Variants in SNAP47 observed in about 807,000 individuals in gnomAD.
SNAP47 encodes the protein synaptosome associated protein 47.
A neutral mutation model predicts 31.4 loss-of-function variants in SNAP47; 20 were observed. That is an observed-to-expected ratio of 0.64 (90% confidence interval 0.45 to 0.93). The LOEUF (loss-of-function observed/expected upper bound fraction) is 0.93, where lower values mean the gene tolerates loss of function less well. Ranked by LOEUF, SNAP47 falls within the 40% of genes least tolerant of loss-of-function variation. SNAP47 has a pLI of 0.00. For synonymous variants in SNAP47, 194 were observed against 213.4 expected (o/e 0.91, Z 0.79); for missense variants, 492 against 528.5 (o/e 0.93, Z 0.68).
At chr1:227,778,592 T>C (rs1199914515) in intron 4 of SNAP47, among the ~76,000 whole-genome samples, 2 of 152,226 alleles carry the variant, frequency 1.3e-5, no homozygotes, top group Admixed American at 1.3e-4. Context: ...GGGCTGTGCC[T>C]GCTGGTTCCA....
chr1:227,763,226 AT>A lies in SNAP47; in HGVS notation c.989-3730del, dbSNP rs1394399730. On this transcript the variant is annotated intron_variant, in intron 3 of 4. Coordinates refer to ENST00000617596, the MANE Select transcript of SNAP47 (RefSeq NM_053052.4). This position sits in a 1 kb window ranked among gnomAD's most constrained non-coding sequence, Gnocchi z 4.2. ...CACCTCAGCCTCCCAGAGTGCTGGG[AT>A]TTCAGGCGTGAGCCTCTACCCTGCT... Among the ~76,000 whole-genome samples, 1 of 151,552 alleles carries A rather than the reference AT, an allele frequency of 6.6e-6. No individual in the cohort carries two copies. The highest frequency in any genetic ancestry group is 2.4e-5 in the African/African-American group (1 of 41,170).
At chr1:227,739,841 C>G (rs1050137797) in intron 1 of SNAP47, among the ~76,000 whole-genome samples, 1 of 152,186 alleles carries the variant, frequency 6.6e-6, no homozygotes, top group African/African-American at 2.4e-5. Context: ...GCTGTGTGTT[C>G]TCAGGGTCAG....
chr1:227,732,953 C>T (rs760413105), upstream of SNAP47: 22 of 1,613,194 alleles, frequency 1.4e-5, no homozygotes, highest in South Asian at 2.4e-4. Flanking sequence ...CGCATAGCTC[C>T]TGCTGCAAGA....
In SNAP47 at chr1:227,780,517, T is replaced by C; in HGVS notation, c.1114-10T>C. The C allele has an allele frequency of 6.2e-7, 1 of 1,613,810 alleles. No individual in the cohort carries two copies. Among genetic ancestry groups the C allele is most frequent in the Non-Finnish European group, 8.5e-7 (1 of 1,180,006 alleles). On this transcript the variant is annotated splice_polypyrimidine_tract_variant and intron_variant, in intron 4 of 4. Coordinates refer to ENST00000617596, the MANE Select transcript of SNAP47 (RefSeq NM_053052.4). The stretch of plus-strand genomic sequence containing the variant: ...GGCAGCCTCTGCTGTGATCTTGTGC[T>C]TCTCCCCAGATCCTGAGGAGGATGA...
chr1:227,777,219 T>C (rs1035480504), intron 4 of SNAP47: 71 of 506,024 alleles, frequency 1.4e-4, no homozygotes, highest in Non-Finnish European at 1.7e-4. Context: ...AGTGAAGTTT[T>C]CCATACATGA....
chr1:227,769,271 G>T (rs1280762020), intron 4 of SNAP47, among the ~76,000 whole-genome samples: 2 of 152,170 alleles, frequency 1.3e-5, no homozygotes, highest in Non-Finnish European at 2.9e-5. Context: ...TGGCAGAGCG[G>T]GAGGAAGCAG....
intron 1 of SNAP47, among the ~76,000 whole-genome samples, chr1:227,737,307 C>T (rs1404056363): frequency 6.6e-6 from 1 of 152,212 alleles, no homozygotes; most frequent in Non-Finnish European, 1.5e-5. Flanking sequence ...GCAGCATTTC[C>T]CAGGCGTCTT....
chr1:227,760,056 CCAGCCCACAGAACTGTCAGT>C (rs1662966238), intron 3 of SNAP47, among the ~76,000 whole-genome samples: 2 of 152,198 alleles, frequency 1.3e-5, no homozygotes, highest in South Asian at 4.1e-4. Flanking sequence ...CTTGGACTTC[CCAGCCCACAGAACTGTCAGT>C]TGACTAAAGG....
At chr1:227,735,201 GGCC>G (rs1272037090), upstream of SNAP47, 2 of 1,582,806 alleles carry the variant, frequency 1.3e-6, no homozygotes, top group Non-Finnish European at 1.7e-6. Flanking sequence ...CCCGGAGCCT[GGCC>G]GACGCCGGGG....
At chr1:227,728,523 TCCTCCCGCCCCTGCCCTCTCGATCCAG>T (rs1571951257), upstream of SNAP47, 4 of 111,640 alleles carry the variant, frequency 3.6e-5, no homozygotes, top group South Asian at 3.6e-4. Context: ...CCCGCCTCCT[TCCTCCCGCCCCTGCCCTCTCGATCCAG>T]CCTCCCGCCC....
rs144090978 is a variant in SNAP47, at chr1:227,760,548, G to A, written c.988+1063G>A. On this transcript the variant is annotated intron_variant, in intron 3 of 4. Transcript: ENST00000617596. ...GGGCAGACACCCTGGGTCTTGGCAC[G>A]TCCACCACGTTTGGCCTACCTCCTC... 5.2e-3 allele frequency among the ~76,000 whole-genome samples: 790 copies of A among 152,298 alleles called. 9 individuals are homozygous for A. The highest frequency in any genetic ancestry group is 0.018 in the African/African-American group (754 of 41,566).
chr1:227,736,516 T>G (rs948117999), intron 1 of SNAP47: 4 of 125,438 alleles, frequency 3.2e-5, no homozygotes, highest in East Asian at 2.4e-4. Flanking sequence ...TTTTTTTTTT[T>G]TTTTTTTTTT....
chr1:227,734,685 C>A, upstream of SNAP47: 1 of 1,614,142 alleles, frequency 6.2e-7, no homozygotes. Flanking sequence ...TAGAGACAGC[C>A]CCTGGGAGAG....
rs146407375 is a variant in SNAP47 at position 227,745,427 on chromosome 1, C to T, written c.-45-2265C>T. On this transcript the variant is annotated intron_variant, in intron 1 of 4. Transcript: ENST00000617596. ...AAGTCTTGATGTCCCCGAATAGAAACATCTTAGGGTGTTGTGAGCTGAGAG... is the reference window on the plus strand; with the variant it reads ...AAGTCTTGATGTCCCCGAATAGAAATATCTTAGGGTGTTGTGAGCTGAGAG... Among the ~76,000 whole-genome samples, 240 of 152,292 alleles carry T rather than the reference C, an allele frequency of 1.6e-3. 3 individuals carry two copies. Among genetic ancestry groups the T allele is most frequent in the Admixed American group, 8.0e-3 (122 of 15,300 alleles).
chr1:227,751,673 C>T (rs71648436), intron 2 of SNAP47, among the ~76,000 whole-genome samples: 1 of 149,314 alleles, frequency 6.7e-6, no homozygotes, highest in African/African-American at 2.5e-5. Flanking sequence ...AAAGACAAAT[C>T]TGACACAGGA....
At chr1:227,779,345 T>C (rs1664330724) in intron 4 of SNAP47, among the ~76,000 whole-genome samples, 1 of 152,194 alleles carries the variant, frequency 6.6e-6, no homozygotes, top group Non-Finnish European at 1.5e-5. Flanking sequence ...TCACCTGCCC[T>C]GGCTGCCCAA....
chr1:227,776,253 G>T (rs376341190), intron 4 of SNAP47: 2 of 1,040,308 alleles, frequency 1.9e-6, no homozygotes, highest in South Asian at 7.2e-5. Context: ...GGTCTGGCTC[G>T]CAGGCATGCC....
chr1:227,751,697 G>T (rs981527505), intron 2 of SNAP47, among the ~76,000 whole-genome samples: 1 of 146,980 alleles, frequency 6.8e-6, no homozygotes, highest in Non-Finnish European at 1.5e-5. Context: ...TGAAAAGCAG[G>T]TCAGAAAAAC....
intron 4 of SNAP47, chr1:227,775,980 T>C: frequency 7.9e-7 from 1 of 1,263,772 alleles, no homozygotes; most frequent in Non-Finnish European, 1.0e-6. Flanking sequence ...TCCTCACGGA[T>C]GTGTTGGAGG....
Sources: gnomAD v4.1 joint callset for allele counts (sites outside exome capture counted in the v4.1 genomes callset) on GRCh38, gnomAD v4.1.1 for gene constraint, Gnocchi (gnomAD v3.1) non-coding constraint, MANE v1.5 for transcripts, NCBI Gene and HGNC (gene_info 2026-07-23, HGNC 2026-07-21) for gene names.